The following PRKCB variants were observed in gnomAD, a reference collection of about 807,000 sequenced individuals.
PRKCB encodes the protein protein kinase C beta type.
A neutral mutation model predicts 81.5 loss-of-function variants in PRKCB; 13 were observed. The observed-to-expected ratio is 0.16, with a 90% confidence interval of 0.10 to 0.25. The LOEUF (loss-of-function observed/expected upper bound fraction) is 0.25, where lower values mean the gene tolerates loss of function less well. Among genes scored for constraint, PRKCB ranks in the 10% least tolerant of loss-of-function variants. The pLI, the probability that PRKCB is intolerant of heterozygous loss-of-function variation, is 1.00. For synonymous variants in PRKCB, 335 were observed against 321.4 expected, an observed-to-expected ratio of 1.04 and a Z score of -0.45; for missense variants, 509 against 875.7, an observed-to-expected ratio of 0.58 and a Z score of 5.29.
intron 5 of PRKCB, among the ~76,000 whole-genome samples, chr16:24,062,622 C>T (rs1049892561): frequency 1.3e-5 from 2 of 152,272 alleles, no homozygotes; most frequent in South Asian, 2.1e-4. Flanking sequence ...TCTGAAGTCA[C>T]GCAGCAAGCC....
At chr16:24,029,736 G>A (rs954269302) in intron 3 of PRKCB, among the ~76,000 whole-genome samples, 1 of 152,138 alleles carries the variant, frequency 6.6e-6, no homozygotes, top group Non-Finnish European at 1.5e-5. Context: ...TCTGTCACTA[G>A]AGTACAATTT....
chr16:24,006,687 A>G (rs1965126963), intron 3 of PRKCB, among the ~76,000 whole-genome samples: 1 of 152,246 alleles, frequency 6.6e-6, no homozygotes, highest in South Asian at 2.1e-4. Context: ...GCCTAAATTC[A>G]AATTCCAGAA....
chr16:23,842,681 T>A (rs1962287733), intron 2 of PRKCB, among the ~76,000 whole-genome samples: 1 of 152,240 alleles, frequency 6.6e-6, no homozygotes, highest in Non-Finnish European at 1.5e-5. Context: ...AAGTTGGCTC[T>A]TCCTTTTCCC....
intron 2 of PRKCB, among the ~76,000 whole-genome samples, chr16:23,984,199 T>G (rs1567334765): frequency 6.6e-6 from 1 of 152,206 alleles, no homozygotes; most frequent in Non-Finnish European, 1.5e-5. Context: ...CAGTGGATAA[T>G]ATTAGCTGAC....
At chr16:23,950,131 A>AGGTT in intron 2 of PRKCB, among the ~76,000 whole-genome samples, 2 of 8,914 alleles carry the variant, frequency 2.2e-4, no homozygotes, top group Non-Finnish European at 5.1e-4. Flanking sequence ...CTATGATTTG[A>AGGTT]ATTTTTTTTT....
At chr16:24,094,925 AAGGG>A (rs995531154) in intron 7 of PRKCB, among the ~76,000 whole-genome samples, 1 of 150,964 alleles carries the variant, frequency 6.6e-6, no homozygotes, top group African/African-American at 2.4e-5. Context: ...GGAAGGAAGG[AAGGG>A]AGGAAGGGAA....
chr16:23,999,183 A>T (rs903036334), intron 3 of PRKCB, among the ~76,000 whole-genome samples: 1 of 152,166 alleles, frequency 6.6e-6, no homozygotes, highest in Admixed American at 6.5e-5. Flanking sequence ...CCTGATACTC[A>T]TGCAGGTATG....
intron 2 of PRKCB, among the ~76,000 whole-genome samples, chr16:23,929,055 C>CTGGAGTTTTGTAA (rs1442356054): frequency 2.0e-5 from 3 of 151,960 alleles, no homozygotes; most frequent in Non-Finnish European, 4.4e-5. Flanking sequence ...TCAGATAAAG[C>CTGGAGTTTTGTAA]TGGAGTTTTG....
intron 2 of PRKCB, among the ~76,000 whole-genome samples, chr16:23,911,128 C>CTTTTTT (rs567904157): frequency 0.04 from 1,261 of 31,526 alleles, 399 homozygotes; most frequent in African/African-American, 0.065. Context: ...CGTATATATG[C>CTTTTTT]TTTTTTTTTT....
In PRKCB at chr16:23,910,506, A is replaced by T. The variant is rs143159284; in HGVS notation, c.205+73100A>T. On this transcript the variant is annotated intron_variant, in intron 2 of 16. Coordinates refer to ENST00000643927, the MANE Select transcript of PRKCB (RefSeq NM_002738.7). ...ACCCCCATCCTAACAGAAACAGAGC[A>T]GGTCTCAGGCTCGGGCCGTTAGGCA... Among the ~76,000 whole-genome samples the T allele has an allele frequency of 5.0e-3, 755 of 152,298 alleles. 6 individuals are homozygous for T. The highest frequency in any genetic ancestry group is 0.013 in the South Asian group (65 of 4,834).
intron 9 of PRKCB, among the ~76,000 whole-genome samples, chr16:24,128,457 A>C (rs1307671002): frequency 6.6e-6 from 1 of 152,260 alleles, no homozygotes; most frequent in East Asian, 1.9e-4. Context: ...AGCCCTGTAA[A>C]AATGAAACAA....
At chr16:24,010,708 T>C (rs562742421) in intron 3 of PRKCB, among the ~76,000 whole-genome samples, 1 of 152,196 alleles carries the variant, frequency 6.6e-6, no homozygotes, top group Non-Finnish European at 1.5e-5. Flanking sequence ...CAGGTGAGCC[T>C]GGAAGCCACT....
chr16:23,853,603 C>T (rs1364602123), intron 2 of PRKCB, among the ~76,000 whole-genome samples: 3 of 152,136 alleles, frequency 2.0e-5, no homozygotes, highest in African/African-American at 4.8e-5. Context: ...TCTTTCTTTG[C>T]GGTGATGTAT....
intron 16 of PRKCB, among the ~76,000 whole-genome samples, chr16:24,211,625 C>G (rs1182241083): frequency 6.7e-6 from 1 of 148,914 alleles, no homozygotes; most frequent in African/African-American, 2.5e-5. Context: ...ATGGTGCCAT[C>G]TCAGCTCACT....
intron 2 of PRKCB, among the ~76,000 whole-genome samples, chr16:23,983,298 T>G (rs540927198): frequency 4.5e-4 from 69 of 152,266 alleles, no homozygotes; most frequent in Non-Finnish European, 8.7e-4. Context: ...ACACACTGTG[T>G]AAAGGAATTA....
rs35364143 is a variant in PRKCB, at chr16:24,122,449, C to CTTTT, written c.919-1370_919-1367dup. Among the ~76,000 whole-genome samples the CTTTT allele has an allele frequency of 3.9e-4, 38 of 97,632 alleles. 2 individuals carry two copies. The highest frequency in any genetic ancestry group is 8.7e-4 in the African/African-American group (16 of 18,386). The allele number at this position is 97,632 out of a possible 152,430, so 64.1% of individuals were successfully genotyped here. On this transcript the variant is annotated intron_variant, in intron 8 of 16. Coordinates refer to ENST00000643927, the MANE Select transcript of PRKCB (RefSeq NM_002738.7). ...CATGTCAGAGGATTCTACCACGAGG[C>CTTTT]TTTTTTTTTTTTTTTTTTTAGTGAG...
intron 12 of PRKCB, among the ~76,000 whole-genome samples, chr16:24,176,380 T>C (rs2141969153): frequency 6.6e-6 from 1 of 152,254 alleles, no homozygotes; most frequent in South Asian, 2.1e-4. Context: ...GCCACTGCAC[T>C]CCAGCCTGGG....
At chr16:24,112,681 G>C (rs370298599) in intron 7 of PRKCB, among the ~76,000 whole-genome samples, 14 of 152,146 alleles carry the variant, frequency 9.2e-5, no homozygotes, top group African/African-American at 3.4e-4. Context: ...TAAGAAAACT[G>C]TGTAAGTGTG....
chr16:24,081,552 C>G (rs1966249129), intron 5 of PRKCB, among the ~76,000 whole-genome samples: 1 of 151,976 alleles, frequency 6.6e-6, no homozygotes. Flanking sequence ...ATGTCATAAC[C>G]AGCACAGTAA....
Sources: gnomAD v4.1 joint callset for allele counts (sites outside exome capture counted in the v4.1 genomes callset) on GRCh38, gnomAD v4.1.1 for gene constraint, MANE v1.5 for transcripts, NCBI Gene and HGNC (gene_info 2026-07-23, HGNC 2026-07-21) for gene names.